ST6GALNAC3: variants seen among roughly 807,000 people sequenced by gnomAD.
ST6GALNAC3 encodes the protein ST6 N-acetylgalactosaminide alpha-2,6-sialyltransferase 3, also known as alpha-N-acetylgalactosaminide alpha-2,6-sialyltransferase 3.
Under a neutral mutation model 32.7 loss-of-function variants are expected in ST6GALNAC3, and 25 were observed. The ratio of observed to expected loss-of-function variants is 0.76; its 90% CI spans 0.56 to 1.07. The LOEUF (loss-of-function observed/expected upper bound fraction) is 1.07. Among genes scored for constraint, ST6GALNAC3 ranks in the 50% least tolerant of loss-of-function variants. ST6GALNAC3 has a pLI of 0.00. For synonymous variants in ST6GALNAC3, 129 were observed against 133.1 expected, an observed-to-expected ratio of 0.97 and a Z score of 0.21; for missense variants, 355 against 382.4, an observed-to-expected ratio of 0.93 and a Z score of 0.60.
intron 1 of ST6GALNAC3, among the ~76,000 whole-genome samples, chr1:76,300,936 G>T (rs1660693894): frequency 6.6e-6 from 1 of 151,964 alleles, no homozygotes; most frequent in African/African-American, 2.4e-5. Flanking sequence ...AAAGAGGAAG[G>T]AAAGGAAAGA....
At chr1:76,386,628 A>T (rs1425441933) in intron 2 of ST6GALNAC3, among the ~76,000 whole-genome samples, 1 of 152,078 alleles carries the variant, frequency 6.6e-6, no homozygotes, top group African/African-American at 2.4e-5. Flanking sequence ...TAACATAGAG[A>T]GATAAAGTGA....
chr1:76,264,481 T>C (rs1658420636), intron 1 of ST6GALNAC3, among the ~76,000 whole-genome samples: 1 of 152,210 alleles, frequency 6.6e-6, no homozygotes, highest in Non-Finnish European at 1.5e-5. Context: ...CCTGCTCTTG[T>C]AATATCTTCT....
At chr1:76,357,002 A>G (rs1444373784) in intron 2 of ST6GALNAC3, among the ~76,000 whole-genome samples, 1 of 152,154 alleles carries the variant, frequency 6.6e-6, no homozygotes, top group Non-Finnish European at 1.5e-5. Context: ...AGTAAGACTC[A>G]AATCAAAATC....
chr1:76,090,881 G>A (rs1414564331), intron 1 of ST6GALNAC3, among the ~76,000 whole-genome samples: 1 of 152,192 alleles, frequency 6.6e-6, no homozygotes, highest in Non-Finnish European at 1.5e-5. Flanking sequence ...TAAACGTAAT[G>A]GAGCCACTGA....
Position 76,142,774 on chromosome 1 carries a change from A to C in ST6GALNAC3, c.18+67890A>C, listed in dbSNP as rs982221116. 18 of 443,400 alleles carry C rather than the reference A, an allele frequency of 4.1e-5. 1 individual carries two copies. Among genetic ancestry groups the C allele is most frequent in the Admixed American group, 3.8e-4 (15 of 39,990 alleles). The allele number at this position is 443,400 out of a possible 1,614,324, so 27.5% of individuals were successfully genotyped here. On this transcript the variant is annotated intron_variant, in intron 1 of 4. Coordinates refer to ENST00000328299, the MANE Select transcript of ST6GALNAC3 (RefSeq NM_152996.4). Reference sequence around the variant, plus strand: ...GCTGTGGTTATCTGGAGAATGCAATAGGCAGAACTTGCTGGTAGAGGCCCC... The same window carrying C: ...GCTGTGGTTATCTGGAGAATGCAATCGGCAGAACTTGCTGGTAGAGGCCCC...
At chr1:76,517,337 T>C (rs954422536) in intron 3 of ST6GALNAC3, among the ~76,000 whole-genome samples, 3 of 151,934 alleles carry the variant, frequency 2.0e-5, no homozygotes, top group African/African-American at 4.8e-5. Flanking sequence ...TAATGTCTTA[T>C]TGTTCTAGTC....
intron 1 of ST6GALNAC3, among the ~76,000 whole-genome samples, chr1:76,198,758 G>C (rs1654355562): frequency 6.6e-6 from 1 of 152,138 alleles, no homozygotes; most frequent in Non-Finnish European, 1.5e-5. Flanking sequence ...TTTTAGATAT[G>C]TCGGATTTGA....
intron 3 of ST6GALNAC3, among the ~76,000 whole-genome samples, chr1:76,451,449 C>G (rs932863468): frequency 6.6e-6 from 1 of 152,178 alleles, no homozygotes; most frequent in Non-Finnish European, 1.5e-5. Flanking sequence ...ATTCAGTTAC[C>G]TCCCACTGGG....
At chr1:76,470,072 A>C (rs1658914412) in intron 3 of ST6GALNAC3, among the ~76,000 whole-genome samples, 1 of 152,142 alleles carries the variant, frequency 6.6e-6, no homozygotes, top group Non-Finnish European at 1.5e-5. Flanking sequence ...TCTTGAAGAA[A>C]ATGGTGAAAG....
chr1:76,299,568 A>G (rs1660607476), intron 1 of ST6GALNAC3, among the ~76,000 whole-genome samples: 2 of 151,996 alleles, frequency 1.3e-5, no homozygotes, highest in African/African-American at 4.8e-5. Flanking sequence ...CAAAGCTGGG[A>G]TACATTGAGT....
At chr1:76,477,503 C>G (rs962979364) in intron 3 of ST6GALNAC3, among the ~76,000 whole-genome samples, 1 of 152,140 alleles carries the variant, frequency 6.6e-6, no homozygotes, top group Non-Finnish European at 1.5e-5. Flanking sequence ...CTCCCATCAC[C>G]CTAAGCCTGC....
chr1:76,437,012 G>A (rs1303358406), intron 3 of ST6GALNAC3, among the ~76,000 whole-genome samples: 1 of 152,028 alleles, frequency 6.6e-6, no homozygotes, highest in Non-Finnish European at 1.5e-5. Context: ...ATTCAGCCTG[G>A]GTGAGCTTTG....
At chr1:76,154,274 C>T (rs1320789774) in intron 1 of ST6GALNAC3, among the ~76,000 whole-genome samples, 1 of 152,094 alleles carries the variant, frequency 6.6e-6, no homozygotes, top group Non-Finnish European at 1.5e-5. Context: ...CAGGTTTGCA[C>T]CCTGCATGCA....
At chr1:76,390,848 T>C (rs1433798530) in intron 2 of ST6GALNAC3, among the ~76,000 whole-genome samples, 2 of 151,554 alleles carry the variant, frequency 1.3e-5, no homozygotes, top group East Asian at 3.9e-4. Flanking sequence ...ATGGGAAATA[T>C]AATGCTATAA....
Position 76,629,392 on chromosome 1 carries a change from C to G in ST6GALNAC3, c.*586C>G. ...AAGCCTCAGGCCATTGCCTAATTAA[C>G]AATGAAGATTTCATGGACATCCTAC... is the stretch of plus-strand genomic sequence containing the variant. On this transcript the variant is annotated 3_prime_UTR_variant, in exon 5 of 5. Transcript: ENST00000328299. 5.1e-6 allele frequency: 5 copies of G among 985,500 alleles called. No homozygotes were observed. Among genetic ancestry groups the G allele is most frequent in the Non-Finnish European group, 6.0e-6 (5 of 829,774 alleles). The allele number at this position is 985,500 out of a possible 1,614,324, so 61.0% of individuals were successfully genotyped here. A position where few individuals can be genotyped will look rare whatever the true frequency, so the allele number is the denominator to read the frequency against.
chr1:76,103,522 ACT>A (rs1166360604), intron 1 of ST6GALNAC3, among the ~76,000 whole-genome samples: 5 of 151,802 alleles, frequency 3.3e-5, no homozygotes, highest in South Asian at 4.2e-4. Flanking sequence ...TTTTCATTCG[ACT>A]CTCTCTGTTT....
intron 1 of ST6GALNAC3, among the ~76,000 whole-genome samples, chr1:76,187,665 A>T (rs1281359134): frequency 6.6e-6 from 1 of 152,176 alleles, no homozygotes; most frequent in Non-Finnish European, 1.5e-5. Context: ...ACATGCAGAC[A>T]TCTGTGTAGG....
intron 1 of ST6GALNAC3, among the ~76,000 whole-genome samples, chr1:76,099,855 C>T (rs1316926856): frequency 6.6e-6 from 1 of 152,176 alleles, no homozygotes; most frequent in Non-Finnish European, 1.5e-5. Flanking sequence ...GAAGGACTAA[C>T]ATTTTTACAA....
At chr1:76,463,801 T>C (rs1443635987) in intron 3 of ST6GALNAC3, among the ~76,000 whole-genome samples, 2 of 152,034 alleles carry the variant, frequency 1.3e-5, no homozygotes, top group Non-Finnish European at 2.9e-5. Flanking sequence ...GGCTGGTCAA[T>C]ATGGGCTGCA....
Sources: allele counts gnomAD v4.1 joint callset (sites outside exome capture counted in the v4.1 genomes callset), GRCh38; gene constraint gnomAD v4.1.1; transcripts MANE v1.5; gene names NCBI Gene and HGNC (gene_info 2026-07-23, HGNC 2026-07-21).